KMO: variants seen among roughly 807,000 people sequenced by gnomAD.
The protein encoded by KMO is kynurenine 3-monooxygenase.
KMO carries 24 observed loss-of-function variants against 57.8 expected under a neutral mutation model. The observed-to-expected ratio is 0.42, with a 90% confidence interval of 0.30 to 0.58. The LOEUF (loss-of-function observed/expected upper bound fraction) is 0.58, where lower values mean the gene tolerates loss of function less well. Among genes scored for constraint, KMO ranks in the 20% least tolerant of loss-of-function variants. The pLI is 0.22. For synonymous variants in KMO, 210 were observed against 193.6 expected, an observed-to-expected ratio of 1.08 and a Z score of -0.70; for missense variants, 483 against 588.2, an observed-to-expected ratio of 0.82 and a Z score of 1.85.
intron 1 of KMO, among the ~76,000 whole-genome samples, chr1:241,533,043 C>T (rs1660630534): frequency 6.6e-6 from 1 of 152,184 alleles, no homozygotes; most frequent in African/African-American, 2.4e-5. Context: ...AGTGGAGCAC[C>T]TAAGACAGTG....
chr1:241,577,361 A>G (rs1381074836), intron 10 of KMO, among the ~76,000 whole-genome samples: 1 of 151,906 alleles, frequency 6.6e-6, no homozygotes, highest in Admixed American at 6.6e-5. Context: ...TGGGTAGGCT[A>G]TTTCTTCTAA....
intron 5 of KMO, among the ~76,000 whole-genome samples, chr1:241,556,621 T>C (rs979017448): frequency 6.6e-6 from 1 of 152,204 alleles, no homozygotes; most frequent in Non-Finnish European, 1.5e-5. Context: ...GGCTCACGCC[T>C]GTAATCCCAG....
chr1:241,590,159 A>T, intron 13 of KMO, 45 bp from the exon 14 acceptor site: 3 of 1,608,340 alleles, frequency 1.9e-6, no homozygotes, highest in Non-Finnish European at 2.6e-6. Context: ...TTTTCTGTTT[A>T]GCTGTTAAAG....
chr1:241,537,245 C>A (rs765887996), intron 1 of KMO, among the ~76,000 whole-genome samples: 40 of 152,140 alleles, frequency 2.6e-4, no homozygotes, highest in Admixed American at 8.5e-4. Context: ...AGATCTCTAG[C>A]TTTGTTCTCA....
At chr1:241,546,994 T>C (rs1189896762) in intron 1 of KMO, among the ~76,000 whole-genome samples, 1 of 152,184 alleles carries the variant, frequency 6.6e-6, no homozygotes, top group Non-Finnish European at 1.5e-5. Context: ...GGTTAATGTT[T>C]CCAGAAGGTT....
chr1:241,554,336 G>GTAAC (rs1487573324), intron 4 of KMO, among the ~76,000 whole-genome samples: 3 of 148,310 alleles, frequency 2.0e-5, no homozygotes, highest in Admixed American at 1.4e-4. Context: ...CCAGGCTGAA[G>GTAAC]TGCAGTAATG....
At chr1:241,587,434 G>A (rs768342900) in intron 11 of KMO, among the ~76,000 whole-genome samples, 31 of 152,046 alleles carry the variant, frequency 2.0e-4, no homozygotes, top group Non-Finnish European at 3.8e-4. Context: ...AAGCTCCAGT[G>A]TTTTTTGCCC....
chr1:241,590,477 C>T (rs1663217857), intron 14 of KMO, among the ~76,000 whole-genome samples: 1 of 152,202 alleles, frequency 6.6e-6, no homozygotes, highest in Non-Finnish European at 1.5e-5. Flanking sequence ...AGGGAAGAAT[C>T]TCAAGATAGA....
intron 3 of KMO, among the ~76,000 whole-genome samples, chr1:241,550,529 C>A (rs1661356295): frequency 6.6e-6 from 1 of 152,182 alleles, no homozygotes; most frequent in South Asian, 2.1e-4. Flanking sequence ...ACAGTACTAG[C>A]AAATATGAGT....
intron 10 of KMO, among the ~76,000 whole-genome samples, chr1:241,572,760 G>A (rs1052670231): frequency 6.6e-6 from 1 of 152,026 alleles, no homozygotes; most frequent in African/African-American, 2.4e-5. Flanking sequence ...AGAGTACACT[G>A]TACCCAATAT....
intron 9 of KMO, 65 bp downstream of exon 9, chr1:241,566,677 T>G: frequency 6.4e-7 from 1 of 1,564,472 alleles, no homozygotes; most frequent in Non-Finnish European, 8.8e-7. Flanking sequence ...ATAAAGGTTA[T>G]GCACCTGATT....
intron 9 of KMO, 33 bp from the exon 10 acceptor site, chr1:241,568,467 A>T (rs762171288): frequency 1.2e-6 from 2 of 1,602,130 alleles, no homozygotes; most frequent in East Asian, 4.5e-5. Flanking sequence ...ACCTAATTTG[A>T]TGTCTTTATA....
At chr1:241,539,320 G>A (rs530082212) in intron 1 of KMO, among the ~76,000 whole-genome samples, 61 of 151,266 alleles carry the variant, frequency 4.0e-4, no homozygotes, top group African/African-American at 1.5e-3. Context: ...GGAGGCAAAG[G>A]TTTCAGTGAG....
intron 2 of KMO, among the ~76,000 whole-genome samples, chr1:241,549,208 A>AGAAG (rs1661279240): frequency 2.4e-4 from 1 of 4,176 alleles, no homozygotes. Context: ...AAAGGAAGAA[A>AGAAG]GAAAGAAAGA....
chr1:241,578,675 AG>A (rs1662629767), intron 10 of KMO, among the ~76,000 whole-genome samples: 1 of 152,168 alleles, frequency 6.6e-6, no homozygotes, highest in African/African-American at 2.4e-5. Flanking sequence ...TGCTGGTTGT[AG>A]GAGTAATTAA....
chr1:241,548,811 T>A lies in KMO; in HGVS notation c.55-18T>A, dbSNP rs761743645. The A allele has an allele frequency of 1.4e-6, 2 of 1,394,858 alleles. No individual in the cohort carries two copies. Among genetic ancestry groups the A allele is most frequent in the South Asian group, 1.2e-5 (1 of 84,374 alleles). 86.4% of individuals were successfully genotyped at this position (1,394,858 alleles called of 1,614,324 possible). On this transcript the variant is annotated intron_variant, in intron 1 of 14. Coordinates refer to ENST00000366559, the MANE Select transcript of KMO (RefSeq NM_003679.5). ...TTTGTGGAATCAGATAAATATTTAA[T>A]TTTTTTTTAATTTCTAGGTTGGCTC...
intron 10 of KMO, among the ~76,000 whole-genome samples, chr1:241,569,375 T>C (rs1425670781): frequency 6.6e-6 from 1 of 151,780 alleles, no homozygotes; most frequent in Non-Finnish European, 1.5e-5. Context: ...TAAGTTTAAT[T>C]TTTATAGCTC....
intron 1 of KMO, chr1:241,536,514 A>G: frequency 1.0e-6 from 1 of 985,848 alleles, no homozygotes; most frequent in Non-Finnish European, 1.2e-6. Flanking sequence ...CATTTCAGTG[A>G]CAGCTAAAGC....
intron 9 of KMO, among the ~76,000 whole-genome samples, chr1:241,567,015 A>T (rs745709895): frequency 6.6e-6 from 1 of 152,176 alleles, no homozygotes; most frequent in Non-Finnish European, 1.5e-5. Context: ...GCTTTCCCAT[A>T]TTCCACTCGT....
Sources: gnomAD v4.1 joint callset for allele counts (sites outside exome capture counted in the v4.1 genomes callset) on GRCh38, gnomAD v4.1.1 for gene constraint, MANE v1.5 for transcripts, NCBI Gene and HGNC (gene_info 2026-07-23, HGNC 2026-07-21) for gene names.